SPAG16: variants seen among roughly 807,000 people sequenced by gnomAD.
The protein encoded by SPAG16 is sperm-associated antigen 16 protein.
A neutral mutation model predicts 80.4 loss-of-function variants in SPAG16; 86 were observed. The observed-to-expected ratio is 1.07, with a 90% CI of 0.90 to 1.28. SPAG16 has a LOEUF of 1.28. SPAG16 is among the 50% of genes most tolerant of loss of function. The pLI is 0.00. For missense variants in SPAG16, 870 were observed against 765.3 expected (o/e 1.14, Z -1.61); for synonymous variants, 294 against 265.9 (o/e 1.11, Z -1.03).
intron 10 of SPAG16, among the ~76,000 whole-genome samples, chr2:213,768,775 T>A (rs2069086593): frequency 1.3e-5 from 2 of 152,166 alleles, no homozygotes; most frequent in South Asian, 4.1e-4. Flanking sequence ...TTGTAAATCA[T>A]CAGCCTATAA....
intron 15 of SPAG16, among the ~76,000 whole-genome samples, chr2:214,393,547 TATA>T: frequency 6.6e-6 from 1 of 151,508 alleles, no homozygotes; most frequent in East Asian, 1.9e-4. Flanking sequence ...TAAACTAAAA[TATA>T]ATTATATAAA....
chr2:214,174,194 A>C (rs527825496), intron 15 of SPAG16, among the ~76,000 whole-genome samples: 1 of 151,992 alleles, frequency 6.6e-6, no homozygotes, highest in Admixed American at 6.6e-5. Context: ...CTCTCTCACT[A>C]CTCCTATTCA....
At chr2:213,529,135 A>T (rs909371465) in intron 10 of SPAG16, among the ~76,000 whole-genome samples, 1 of 152,190 alleles carries the variant, frequency 6.6e-6, no homozygotes, top group African/African-American at 2.4e-5. Flanking sequence ...AGTAGGGATG[A>T]CATAAATTTC....
chr2:213,989,289 T>C (rs969009473), intron 12 of SPAG16, among the ~76,000 whole-genome samples: 2 of 152,086 alleles, frequency 1.3e-5, no homozygotes, highest in Admixed American at 6.6e-5. Context: ...AGTTCCCTAA[T>C]GTTTACTTGC....
rs771640192 is a variant in SPAG16 at position 213,285,816 on chromosome 2, C to A, written c.136+1197C>A. The A allele has an allele frequency of 7.1e-6, 7 of 979,984 alleles. No individual in the cohort carries two copies. The African/African-American group carries it at 1.2e-4, about 16-fold the overall frequency. The allele number at this position is 979,984 out of a possible 1,614,324, so 60.7% of individuals were successfully genotyped here. A position where few individuals can be genotyped will look rare whatever the true frequency, so the allele number is the denominator to read the frequency against. The stretch of plus-strand genomic sequence containing the variant: ...CATAAATGAGGTTTTATACTGTTTT[C>A]GTAGATGTAACAGGCAGTCTTTTCC... On this transcript the variant is annotated intron_variant, in intron 1 of 15. Coordinates refer to ENST00000331683, the MANE Select transcript of SPAG16 (RefSeq NM_024532.5).
chr2:213,722,497 A>C (rs2066573889), intron 10 of SPAG16, among the ~76,000 whole-genome samples: 1 of 152,214 alleles, frequency 6.6e-6, no homozygotes, highest in Non-Finnish European at 1.5e-5. Flanking sequence ...GGGCACATGC[A>C]GAGCACAGGT....
At chr2:213,565,627 G>A (rs1168664066) in intron 10 of SPAG16, among the ~76,000 whole-genome samples, 1 of 152,162 alleles carries the variant, frequency 6.6e-6, no homozygotes. Context: ...GAAGCTGAGA[G>A]GTTGAGAACA....
At chr2:213,948,425 A>G (rs749587614) in intron 12 of SPAG16, among the ~76,000 whole-genome samples, 1 of 152,180 alleles carries the variant, frequency 6.6e-6, no homozygotes, top group Non-Finnish European at 1.5e-5. Flanking sequence ...ATTTGCTCGT[A>G]TTTGGAATAC....
intron 15 of SPAG16, among the ~76,000 whole-genome samples, chr2:214,189,137 C>T (rs964435420): frequency 4.6e-5 from 7 of 152,074 alleles, no homozygotes; most frequent in Non-Finnish European, 8.8e-5. Context: ...GATTGTGAGA[C>T]TCCTGTAAGC....
rs1306624773 is a variant in SPAG16 at position 214,228,502 on chromosome 2, T to C, written c.1720+79236T>C. Among the ~76,000 whole-genome samples the C allele has an allele frequency of 2.0e-5, 3 of 151,874 alleles. No individual in the cohort carries two copies. The Admixed American group carries it at 2.0e-4, about 10-fold the overall frequency. ...GAATAGCCAAATTATTTTCATATCT[T>C]TGGATCATACTATCAATAGGAGAAA... On this transcript the variant is annotated intron_variant, in intron 15 of 15. Coordinates refer to ENST00000331683, the MANE Select transcript of SPAG16 (RefSeq NM_024532.5).
intron 10 of SPAG16, among the ~76,000 whole-genome samples, chr2:213,798,190 T>A (rs2071165326): frequency 6.6e-6 from 1 of 152,192 alleles, no homozygotes; most frequent in Non-Finnish European, 1.5e-5. Flanking sequence ...CTTTATATAT[T>A]TTAGATATAA....
At chr2:213,350,754 C>T (rs1206862182) in intron 7 of SPAG16, 109 bp downstream of exon 7, 11 of 645,848 alleles carry the variant, frequency 1.7e-5, no homozygotes, top group South Asian at 5.4e-5. Context: ...ACATTTTCAA[C>T]CAACTTTCAT....
intron 8 of SPAG16, among the ~76,000 whole-genome samples, chr2:213,365,709 C>T (rs1351207163): frequency 6.6e-6 from 1 of 151,894 alleles, no homozygotes; most frequent in East Asian, 2.0e-4. Context: ...CCGCCTGCCT[C>T]AGCCTCCCAA....
chr2:213,402,504 C>A (rs1221775213), intron 9 of SPAG16, among the ~76,000 whole-genome samples: 1 of 151,854 alleles, frequency 6.6e-6, no homozygotes, highest in East Asian at 1.9e-4. Flanking sequence ...TATACATGTG[C>A]CATGTTGGTG....
chr2:213,332,295 G>A (rs2064145022), intron 5 of SPAG16, among the ~76,000 whole-genome samples: 1 of 152,010 alleles, frequency 6.6e-6, no homozygotes, highest in South Asian at 2.1e-4. Flanking sequence ...TAGGGGAAAT[G>A]GATAAATTCC....
intron 9 of SPAG16, among the ~76,000 whole-genome samples, chr2:213,411,170 G>C (rs1389439749): frequency 2.0e-5 from 3 of 152,136 alleles, no homozygotes; most frequent in African/African-American, 4.8e-5. Context: ...CTTTCACCCT[G>C]GCATTTCAAC....
chr2:213,718,654 G>C (rs1054813342), intron 10 of SPAG16, among the ~76,000 whole-genome samples: 1 of 152,178 alleles, frequency 6.6e-6, no homozygotes, highest in African/African-American at 2.4e-5. Flanking sequence ...TGCGGAGGGT[G>C]TACTGAGTCC....
intron 12 of SPAG16, among the ~76,000 whole-genome samples, chr2:213,993,743 G>A (rs13416237): frequency 0.41 from 62,543 of 152,076 alleles, 13,369 homozygotes; most frequent in South Asian, 0.65. Context: ...CTTCTGTATT[G>A]AAATACTGGT....
At chr2:213,423,039 CTTATT>C (rs2069693507) in intron 9 of SPAG16, among the ~76,000 whole-genome samples, 2 of 152,178 alleles carry the variant, frequency 1.3e-5, no homozygotes, top group South Asian at 4.1e-4. Flanking sequence ...CTTTTATTGA[CTTATT>C]TTCTCACAAG....
Sources: allele counts gnomAD v4.1 joint callset (sites outside exome capture counted in the v4.1 genomes callset), GRCh38; gene constraint gnomAD v4.1.1; transcripts MANE v1.5; gene names NCBI Gene and HGNC (gene_info 2026-07-23, HGNC 2026-07-21).